STAG1: variants seen among roughly 807,000 people sequenced by gnomAD.
STAG1 encodes the protein STAG1 cohesin complex component, also known as cohesin subunit SA-1.
A neutral mutation model predicts 170.9 loss-of-function variants in STAG1; 26 were observed. That is an observed-to-expected ratio of 0.15 (90% CI 0.11 to 0.21). STAG1 has a LOEUF of 0.21. Ranked by LOEUF, STAG1 falls within the 10% of genes least tolerant of loss-of-function variation. The pLI is 1.00. For missense variants in STAG1, 964 were observed against 1,509.5 expected (o/e 0.64, Z 5.99); for synonymous variants, 514 against 497.7 (o/e 1.03, Z -0.44).
chr3:136,723,886 A>G (rs1210849030), intron 1 of STAG1, among the ~76,000 whole-genome samples: 76 of 84,374 alleles, frequency 9.0e-4, no homozygotes, highest in Non-Finnish European at 1.2e-3. Flanking sequence ...GTGGTGGGGG[A>G]GTCAGCCCCC....
Position 136,736,591 on chromosome 3 carries a change from T to C in STAG1, c.-84+15604A>G. 2.6e-6 allele frequency: 4 copies of C among 1,556,550 alleles called. No homozygotes were observed. In the South Asian group the frequency reaches 3.3e-5, roughly 13 times the overall value. On this transcript the variant is annotated intron_variant, in intron 1 of 33. Transcript: ENST00000383202. ...GTATTGGCTTGGAAGTTTCGCCAGC[T>C]GTCCACACAACCATCTCGACTTTCC...
intron 1 of STAG1, among the ~76,000 whole-genome samples, chr3:136,633,755 A>C (rs1940431831): frequency 6.8e-6 from 1 of 146,926 alleles, no homozygotes; most frequent in Non-Finnish European, 1.5e-5. Flanking sequence ...GGCCGAGGCA[A>C]GAGGATCACT....
intron 1 of STAG1, among the ~76,000 whole-genome samples, chr3:136,729,377 T>C (rs993778356): frequency 6.6e-6 from 1 of 152,054 alleles, no homozygotes; most frequent in African/African-American, 2.4e-5. Context: ...ACTCTCCCTC[T>C]TTGTGAATGG....
intron 1 of STAG1, among the ~76,000 whole-genome samples, chr3:136,718,990 CG>C (rs1257557874): frequency 6.6e-6 from 1 of 152,076 alleles, no homozygotes; most frequent in Non-Finnish European, 1.5e-5. Flanking sequence ...AACAATTTAG[CG>C]GTTTCTTAAA....
intron 1 of STAG1, among the ~76,000 whole-genome samples, chr3:136,719,624 TGGC>T (rs1399104507): frequency 1.5e-5 from 1 of 65,204 alleles, no homozygotes; most frequent in East Asian, 5.1e-4. Flanking sequence ...GGTAGGTGGG[TGGC>T]TGGGTAGGTG....
chr3:136,634,870 A>G lies in STAG1; in HGVS notation c.-83-3889T>C, dbSNP rs577984853. On this transcript the variant is annotated intron_variant, in intron 1 of 33. Transcript: ENST00000383202. The stretch of plus-strand genomic sequence containing the variant: ...GGGGCAAAAGAATACGGTAAACAAC[A>G]TATGTCCACAAATTTAGTAACATAT... Among the ~76,000 whole-genome samples the G allele has an allele frequency of 5.9e-5, 9 of 152,312 alleles. No homozygotes were observed. The South Asian group carries it at 8.3e-4, about 14-fold the overall frequency.
intron 1 of STAG1, among the ~76,000 whole-genome samples, chr3:136,738,469 C>T (rs182252804): frequency 6.4e-4 from 97 of 152,162 alleles, no homozygotes; most frequent in African/African-American, 2.3e-3. Context: ...CCAGCCTGGG[C>T]GACAGAGCAA....
chr3:136,354,396 G>A (rs930919279), intron 28 of STAG1, among the ~76,000 whole-genome samples: 8 of 152,108 alleles, frequency 5.3e-5, no homozygotes, highest in African/African-American at 1.7e-4. Context: ...GGGCCCCTGG[G>A]GTTCAAGCAA....
intron 5 of STAG1, among the ~76,000 whole-genome samples, chr3:136,559,124 C>CCTAA (rs10638863): frequency 6.9e-6 from 1 of 143,984 alleles, no homozygotes; most frequent in African/African-American, 2.5e-5. Flanking sequence ...CACTGAACTA[C>CCTAA]CTATCTATCT....
chr3:136,635,891 C>A (rs536535838), intron 1 of STAG1, among the ~76,000 whole-genome samples: 1 of 152,228 alleles, frequency 6.6e-6, no homozygotes, highest in East Asian at 1.9e-4. Context: ...GAATTAAATT[C>A]TTAGGTGTAA....
chr3:136,668,723 T>C (rs1026118464), intron 1 of STAG1, among the ~76,000 whole-genome samples: 3 of 152,044 alleles, frequency 2.0e-5, no homozygotes, highest in East Asian at 1.9e-4. Flanking sequence ...GACCGTAGTA[T>C]CTACTGGGAT....
intron 22 of STAG1, among the ~76,000 whole-genome samples, chr3:136,396,519 CCTTTT>C (rs2087162105): frequency 1.3e-5 from 1 of 78,272 alleles, no homozygotes; most frequent in Admixed American, 1.5e-4. Flanking sequence ...CCGCGCCTGG[CCTTTT>C]TTTTTTTTTT....
intron 6 of STAG1, among the ~76,000 whole-genome samples, chr3:136,529,911 G>A (rs192102289): frequency 2.9e-4 from 44 of 152,112 alleles, no homozygotes; most frequent in African/African-American, 7.5e-4. Context: ...GAATGTAAAC[G>A]GATTAAATAT....
intron 13 of STAG1, among the ~76,000 whole-genome samples, chr3:136,458,080 A>G (rs777426116): frequency 9.2e-5 from 14 of 152,234 alleles, no homozygotes; most frequent in Non-Finnish European, 1.8e-4. Context: ...AAGTTTATTT[A>G]TGATACTTTA....
chr3:136,415,591 A>G (rs1296975613), intron 21 of STAG1, among the ~76,000 whole-genome samples: 3 of 152,200 alleles, frequency 2.0e-5, no homozygotes, highest in Non-Finnish European at 4.4e-5. Flanking sequence ...AAATCCCAAC[A>G]CTTTGGGAAG....
At chr3:136,710,773 C>G (rs1303971802) in intron 1 of STAG1, among the ~76,000 whole-genome samples, 1 of 151,552 alleles carries the variant, frequency 6.6e-6, no homozygotes, top group East Asian at 1.9e-4. Context: ...AACTAAATGC[C>G]AAAGTCCCCC....
chr3:136,373,026 GC>G, intron 23 of STAG1, among the ~76,000 whole-genome samples: 1 of 151,880 alleles, frequency 6.6e-6, no homozygotes, highest in East Asian at 1.9e-4. Context: ...CAATTTCAGA[GC>G]CTGTTATTGG....
At chr3:136,594,135 T>C (rs1424765288) in intron 4 of STAG1, among the ~76,000 whole-genome samples, 3 of 152,214 alleles carry the variant, frequency 2.0e-5, no homozygotes, top group African/African-American at 4.8e-5. Flanking sequence ...ACAGTTACTA[T>C]GTAACTGTCA....
chr3:136,563,082 C>T (rs541014259), intron 5 of STAG1, among the ~76,000 whole-genome samples: 15 of 152,270 alleles, frequency 9.9e-5, no homozygotes, highest in South Asian at 2.1e-4. Context: ...CAATTAGCTC[C>T]GTAACTTGCA....
Sources: allele counts gnomAD v4.1 joint callset (sites outside exome capture counted in the v4.1 genomes callset), GRCh38; gene constraint gnomAD v4.1.1; transcripts MANE v1.5; gene names NCBI Gene and HGNC (gene_info 2026-07-23, HGNC 2026-07-21).